The following PDE4D variants were observed in gnomAD, a reference collection of about 807,000 sequenced individuals.
PDE4D encodes phosphodiesterase 4D, also known as 3',5'-cyclic-AMP phosphodiesterase 4D.
In PDE4D, 24 loss-of-function variants were observed where a neutral mutation model predicts 87.4. The ratio of observed to expected loss-of-function variants is 0.27; its 90% CI spans 0.20 to 0.39. PDE4D has a LOEUF of 0.39. PDE4D is among the 10% of genes least tolerant of loss of function. The probability of loss-of-function intolerance (pLI) is 1.00; values close to 1 mark genes in which losing one functional copy is unlikely to be tolerated. For missense variants in PDE4D, 714 were observed against 1,041.0 expected (o/e 0.69, Z 4.32); for synonymous variants, 384 against 383.2 (o/e 1.00, Z -0.02).
At chr5:59,883,801 C>T (rs1470778177) in intron 1 of PDE4D, among the ~76,000 whole-genome samples, 2 of 152,102 alleles carry the variant, frequency 1.3e-5, no homozygotes, top group East Asian at 3.9e-4. Context: ...CTAGCAATTA[C>T]TCAGGAATTA....
intron 2 of PDE4D, among the ~76,000 whole-genome samples, chr5:60,181,429 T>C (rs1006743764): frequency 6.6e-6 from 1 of 152,180 alleles, no homozygotes; most frequent in African/African-American, 2.4e-5. Flanking sequence ...TTTAAATTCA[T>C]TATGAAAGAA....
chr5:58,977,677 T>A (rs1042341445), intron 11 of PDE4D, among the ~76,000 whole-genome samples: 1 of 152,158 alleles, frequency 6.6e-6, no homozygotes, highest in Non-Finnish European at 1.5e-5. Flanking sequence ...ATTCTTAGTA[T>A]CTATAACACA....
In PDE4D at chr5:59,649,904, C is replaced by CTTTTTTTTTTTTGTTTT. The variant is rs1561402852; in HGVS notation, c.455+243263_455+243264insAAAACAAAAAAAAAAAA. ...TGTTAAAATGTTGATAGTTTGTGAA[C>CTTTTTTTTTTTTGTTTT]CTTTTTTTTTTTTTTTTTTTTTTTT... On this transcript the variant is annotated intron_variant, in intron 1 of 14. Transcript: ENST00000340635. Among the ~76,000 whole-genome samples the CTTTTTTTTTTTTGTTTT allele has an allele frequency of 2.7e-5, 2 of 73,960 alleles. 1 individual carries two copies. The highest frequency in any genetic ancestry group is 3.7e-4 in the Admixed American group (2 of 5,476). 48.5% of individuals were successfully genotyped at this position (73,960 alleles called of 152,430 possible). A position where few individuals can be genotyped will look rare whatever the true frequency, so the allele number is the denominator to read the frequency against.
intron 2 of PDE4D, chr5:59,193,772 G>T (rs563285473): frequency 1.0e-6 from 1 of 985,258 alleles, no homozygotes; most frequent in Non-Finnish European, 1.2e-6. Flanking sequence ...CATCAGCCAG[G>T]GTCACTGTTG....
intron 2 of PDE4D, among the ~76,000 whole-genome samples, chr5:59,211,990 T>C (rs1234795726): frequency 6.6e-6 from 1 of 152,130 alleles, no homozygotes; most frequent in African/African-American, 2.4e-5. Flanking sequence ...CTTCATTAGG[T>C]ACCTATCCTC....
intron 1 of PDE4D, among the ~76,000 whole-genome samples, chr5:60,437,043 G>A (rs1032370090): frequency 1.1e-4 from 17 of 152,046 alleles, no homozygotes; most frequent in African/African-American, 3.9e-4. Flanking sequence ...CTAGATGTGT[G>A]ACCTCAACAC....
intron 1 of PDE4D, among the ~76,000 whole-genome samples, chr5:59,480,235 G>A (rs1434128363): frequency 6.6e-6 from 1 of 151,180 alleles, no homozygotes; most frequent in Non-Finnish European, 1.5e-5. Flanking sequence ...ATAGTTTTCA[G>A]TTTGCAAAGT....
chr5:59,687,416 C>A (rs921587748), intron 1 of PDE4D, among the ~76,000 whole-genome samples: 4 of 152,096 alleles, frequency 2.6e-5, no homozygotes, highest in African/African-American at 9.7e-5. Flanking sequence ...AGAGTGGGGG[C>A]CAATATTCAA....
chr5:59,307,429 C>T lies in PDE4D; in HGVS notation c.456-91461G>A, dbSNP rs553946606. On this transcript the variant is annotated intron_variant, in intron 1 of 14. Transcript: ENST00000340635. ...ACCATCAGAGTGAACAGGCAACCTA[C>T]AAAATGGGAGAAAATTTTCGCAACC... Among the ~76,000 whole-genome samples the T allele has an allele frequency of 2.4e-4, 36 of 151,948 alleles. No individual in the cohort carries two copies. In the East Asian group the frequency reaches 6.8e-3, roughly 29 times the overall value.
chr5:60,323,831 C>A (rs759814221), intron 1 of PDE4D, among the ~76,000 whole-genome samples: 1 of 137,876 alleles, frequency 7.3e-6, no homozygotes, highest in African/African-American at 3.6e-5. Context: ...AATTTCAGTG[C>A]CCTGATCTGC....
intron 2 of PDE4D, among the ~76,000 whole-genome samples, chr5:60,107,036 C>T (rs1394803869): frequency 6.6e-6 from 1 of 151,830 alleles, no homozygotes; most frequent in East Asian, 1.9e-4. Context: ...AATAGAGACA[C>T]AAAAAACCCT....
intron 5 of PDE4D, among the ~76,000 whole-genome samples, chr5:59,156,320 A>ATATATAT (rs1554082852): frequency 0.075 from 6,069 of 80,970 alleles, 327 homozygotes; most frequent in Non-Finnish European, 0.099. Context: ...AAAAAAAAAA[A>ATATATAT]ATATATATAT....
rs557832374 is a variant in PDE4D, at chr5:60,174,026, T to A, written c.42+11531A>T. ...AAAATATTTAGGATATGTAGCAGTA[T>A]GTTTAAAGATGAGGAAGAATAATGG... On this transcript the variant is annotated intron_variant, in intron 2 of 16. Coordinates refer to the PDE4D transcript ENST00000502484. Among the ~76,000 whole-genome samples, 24 of 152,254 alleles carry A rather than the reference T, an allele frequency of 1.6e-4. No individual in the cohort carries two copies. In the East Asian group the frequency reaches 3.5e-3, roughly 22 times the overall value.
chr5:60,510,368 A>G (rs934625063), intron 1 of PDE4D, among the ~76,000 whole-genome samples: 4 of 152,070 alleles, frequency 2.6e-5, no homozygotes, highest in Admixed American at 6.5e-5. Flanking sequence ...TTCTATACCT[A>G]GTCTCCCTAC....
At chr5:59,892,617 T>C (rs1286228276) in intron 1 of PDE4D, among the ~76,000 whole-genome samples, 1 of 152,128 alleles carries the variant, frequency 6.6e-6, no homozygotes, top group East Asian at 1.9e-4. Context: ...CGAAGAGAAA[T>C]GCGAGTTGTT....
intron 2 of PDE4D, among the ~76,000 whole-genome samples, chr5:60,060,877 A>T (rs181541129): frequency 9.2e-5 from 14 of 152,224 alleles, no homozygotes; most frequent in Admixed American, 4.6e-4. Flanking sequence ...GAAAAAATTC[A>T]ACATCCTTTC....
chr5:59,626,111 A>G (rs551898731), intron 1 of PDE4D, among the ~76,000 whole-genome samples: 1 of 152,062 alleles, frequency 6.6e-6, no homozygotes, highest in Non-Finnish European at 1.5e-5. Flanking sequence ...AAAACAAAAT[A>G]AAAAAAACCA....
At chr5:60,513,955 C>G (rs1277611952) in intron 1 of PDE4D, among the ~76,000 whole-genome samples, 2 of 149,250 alleles carry the variant, frequency 1.3e-5, no homozygotes, top group African/African-American at 4.9e-5. Flanking sequence ...AAATTAAGTC[C>G]AAAGAAAAAG....
At chr5:59,822,767 C>T (rs1266847753) in intron 1 of PDE4D, among the ~76,000 whole-genome samples, 1 of 152,136 alleles carries the variant, frequency 6.6e-6, no homozygotes, top group Non-Finnish European at 1.5e-5. Context: ...ACAATGCAGC[C>T]CCTGATAACT....
Sources: gnomAD v4.1 joint callset for allele counts (sites outside exome capture counted in the v4.1 genomes callset) on GRCh38, gnomAD v4.1.1 for gene constraint, MANE v1.5 for transcripts, NCBI Gene and HGNC (gene_info 2026-07-23, HGNC 2026-07-21) for gene names.